Variants in RASSF3 observed in about 807,000 individuals in gnomAD.
The protein encoded by RASSF3 is Ras association domain family member 3.
In RASSF3, 19 loss-of-function variants were observed where a neutral mutation model predicts 19.9. The observed-to-expected ratio is 0.96, with a 90% CI of 0.67 to 1.40. The LOEUF (loss-of-function observed/expected upper bound fraction) is 1.40. RASSF3 is among the 40% of genes most tolerant of loss of function. The pLI, the probability that RASSF3 is intolerant of heterozygous loss-of-function variation, is 0.00. For missense variants in RASSF3, 306 were observed against 289.8 expected, an observed-to-expected ratio of 1.06 and a Z score of -0.41; for synonymous variants, 110 against 104.2, an observed-to-expected ratio of 1.06 and a Z score of -0.34.
chr12:64,686,781 C>T (rs553241606), intron 2 of RASSF3, among the ~76,000 whole-genome samples: 1 of 152,228 alleles, frequency 6.6e-6, no homozygotes, highest in African/African-American at 2.4e-5. Context: ...GAGCTGTGTT[C>T]GTGCCACTGC....
chr12:64,667,933 G>T (rs957348108), intron 1 of RASSF3, among the ~76,000 whole-genome samples: 1 of 152,206 alleles, frequency 6.6e-6, no homozygotes, highest in Non-Finnish European at 1.5e-5. Flanking sequence ...GTAACACCTG[G>T]AAAGATGTAC....
rs113654020 is a variant in RASSF3 at position 64,525,585 on chromosome 12, C to T, written c.170-15996C>T. Among the ~76,000 whole-genome samples the T allele has an allele frequency of 8.5e-3, 1,301 of 152,302 alleles. 10 individuals carry two copies. The highest frequency in any genetic ancestry group is 0.041 in the Middle Eastern group (12 of 294). The stretch of plus-strand genomic sequence containing the variant: ...ACGCATTCTCCCACTTCATTTTCAG[C>T]CTTTTTCAGTTCCATCTCATTGGCC... On this transcript the variant is annotated intron_variant, in intron 1 of 5. Coordinates refer to the RASSF3 transcript ENST00000637125.
chr12:64,689,791 CTT>C (rs762822586), intron 3 of RASSF3, among the ~76,000 whole-genome samples: 3 of 96,538 alleles, frequency 3.1e-5, no homozygotes, highest in Non-Finnish European at 4.0e-5. Context: ...TTCGCTAATT[CTT>C]TTTTTTTTTT....
At chr12:64,680,092 T>C (rs528815774) in intron 1 of RASSF3, among the ~76,000 whole-genome samples, 3 of 152,336 alleles carry the variant, frequency 2.0e-5, no homozygotes, top group African/African-American at 7.2e-5. Flanking sequence ...CGTTTTCTTC[T>C]CTTCCTTTTT....
intron 3 of RASSF3, among the ~76,000 whole-genome samples, chr12:64,691,054 G>A (rs1868272290): frequency 6.6e-6 from 1 of 151,840 alleles, no homozygotes; most frequent in South Asian, 2.1e-4. Context: ...TAGAGACAGG[G>A]TTTTGCCATG....
chr12:64,508,238 G>T (rs1028171966), intron 1 of RASSF3, among the ~76,000 whole-genome samples: 2 of 152,122 alleles, frequency 1.3e-5, no homozygotes, highest in Non-Finnish European at 2.9e-5. Context: ...GTGACGACTG[G>T]GCACCGTGGC....
intron 1 of RASSF3, among the ~76,000 whole-genome samples, chr12:64,521,759 C>T (rs1265149505): frequency 6.6e-6 from 1 of 152,158 alleles, no homozygotes; most frequent in African/African-American, 2.4e-5. Flanking sequence ...TACTCCCCAC[C>T]CCTCTTTATT....
chr12:64,523,898 G>T (rs1052964386), intron 1 of RASSF3, among the ~76,000 whole-genome samples: 1 of 151,900 alleles, frequency 6.6e-6, no homozygotes, highest in Non-Finnish European at 1.5e-5. Context: ...CAATAAAGAG[G>T]ACTTCATCAC....
intron 3 of RASSF3, among the ~76,000 whole-genome samples, chr12:64,689,581 G>C (rs1873496104): frequency 6.6e-6 from 1 of 152,124 alleles, no homozygotes; most frequent in South Asian, 2.1e-4. Context: ...TTATCTGCCA[G>C]TTTCTTTGCC....
intron 1 of RASSF3, among the ~76,000 whole-genome samples, chr12:64,525,485 T>A (rs1868564980): frequency 6.6e-6 from 1 of 152,184 alleles, no homozygotes; most frequent in African/African-American, 2.4e-5. Flanking sequence ...CCCATCTCCT[T>A]TTAGCAGGCC....
chr12:64,610,709 G>T lies in RASSF3; in HGVS notation c.77G>T (p.Arg26Ile). The change falls in exon 1 of 5, where the codon AGA becomes ATA. Residue 26 changes from arginine to isoleucine, a missense_variant. By Grantham distance (97) the Arg-to-Ile change is moderately conservative. Coordinates refer to ENST00000542104, the MANE Select transcript of RASSF3 (RefSeq NM_178169.4). ...FFTARTSFFR[R>I]APQGKPRSGQ... ...ACCGCCAGGACCTCCTTCTTCAGGA[G>T]AGCGCCCCAGGGCAAGCCCCGCTCC... 1 of 1,594,560 alleles carries T rather than the reference G, an allele frequency of 6.3e-7. No homozygotes were observed.
intron 3 of RASSF3, among the ~76,000 whole-genome samples, chr12:64,690,914 G>A (rs182756637): frequency 2.2e-3 from 333 of 151,826 alleles, no homozygotes; most frequent in African/African-American, 7.5e-3. Context: ...AGGCAGGAGC[G>A]CAATGGCACG....
At chr12:64,622,250 C>T (rs1006004194) in intron 1 of RASSF3, among the ~76,000 whole-genome samples, 3 of 146,214 alleles carry the variant, frequency 2.1e-5, no homozygotes, top group African/African-American at 7.6e-5. Flanking sequence ...TTAGTAGAGT[C>T]AGGGTTTCAC....
At chr12:64,571,239 A>C (rs986623283) in intron 2 of RASSF3, among the ~76,000 whole-genome samples, 2 of 152,114 alleles carry the variant, frequency 1.3e-5, no homozygotes, top group African/African-American at 4.8e-5. Context: ...AATAAAAACA[A>C]AAATAAAAGA....
chr12:64,691,537 A>G lies in RASSF3; in HGVS notation c.525A>G (p.Thr175=), dbSNP rs374643521. Residue 175 remains threonine, a synonymous_variant, in exon 4 of 5, where the codon ACA becomes ACG. Coordinates refer to ENST00000542104, the MANE Select transcript of RASSF3 (RefSeq NM_178169.4). The part of the protein sequence containing the change: ...LYLRLVAGPR[T]DTLSFVLREH... ...TGCGTTTGGTAGCAGGGCCCAGAAC[A>G]GACACACTTAGTTTTGTTCTTCGTG... The G allele has an allele frequency of 1.1e-5, 17 of 1,613,876 alleles. No homozygotes were observed. The African/African-American group carries it at 2.1e-4, about 20-fold the overall frequency.
At chr12:64,690,824 G>T (rs1868269295) in intron 3 of RASSF3, among the ~76,000 whole-genome samples, 2 of 149,796 alleles carry the variant, frequency 1.3e-5, no homozygotes, top group South Asian at 4.2e-4. Context: ...CCCTTTTTTA[G>T]GTTTCTTATC....
At chr12:64,538,765 CG>C (rs1375362785) in intron 1 of RASSF3, among the ~76,000 whole-genome samples, 12 of 152,046 alleles carry the variant, frequency 7.9e-5, no homozygotes, top group African/African-American at 2.9e-4. Flanking sequence ...AAATTGGGGC[CG>C]GGTGCCATGG....
chr12:64,515,184 G>A (rs1868354760), intron 1 of RASSF3, among the ~76,000 whole-genome samples: 1 of 152,064 alleles, frequency 6.6e-6, no homozygotes, highest in South Asian at 2.1e-4. Flanking sequence ...AGCCTCCCGA[G>A]TAGCTGGGAT....
chr12:64,647,611 C>T (rs1245221), intron 1 of RASSF3, among the ~76,000 whole-genome samples: 1 of 151,958 alleles, frequency 6.6e-6, no homozygotes, highest in Non-Finnish European at 1.5e-5. Flanking sequence ...CGGGGTTTCA[C>T]CATGTTGGCC....
Sources: allele counts gnomAD v4.1 joint callset (sites outside exome capture counted in the v4.1 genomes callset), GRCh38; gene constraint gnomAD v4.1.1; transcripts MANE v1.5; gene names NCBI Gene and HGNC (gene_info 2026-07-23, HGNC 2026-07-21).